PARD3B: variants seen among roughly 807,000 people sequenced by gnomAD.
PARD3B encodes the protein partitioning defective 3 homolog B.
A neutral mutation model predicts 130.2 loss-of-function variants in PARD3B; 103 were observed. That is an observed-to-expected ratio of 0.79 (90% CI 0.67 to 0.93). PARD3B has a LOEUF of 0.93. Ranked by LOEUF, PARD3B falls within the 40% of genes least tolerant of loss-of-function variation. The probability of loss-of-function intolerance (pLI) is 0.00; values close to 1 mark genes in which losing one functional copy is unlikely to be tolerated. For synonymous variants in PARD3B, 583 were observed against 553.2 expected, an observed-to-expected ratio of 1.05 and a Z score of -0.76; for missense variants, 1,609 against 1,499.2, an observed-to-expected ratio of 1.07 and a Z score of -1.21.
Position 205,288,990 on chromosome 2 carries a change from G to A in PARD3B, c.2186-11540G>A, listed in dbSNP as rs1206106933. Among the ~76,000 whole-genome samples the A allele has an allele frequency of 2.6e-5, 4 of 152,194 alleles. No homozygotes were observed. Among genetic ancestry groups the A allele is most frequent in the African/African-American group, 7.2e-5 (3 of 41,438 alleles). Reference sequence around the variant, plus strand: ...AAAAGTCCATGACCTTGTCTGATTTGTAATTTTGTTGATGGTGTCATGGGT... The same window carrying A: ...AAAAGTCCATGACCTTGTCTGATTTATAATTTTGTTGATGGTGTCATGGGT... On this transcript the variant is annotated intron_variant, in intron 16 of 22. Transcript: ENST00000406610. The surrounding 1 kb of genome is among the most constrained non-coding windows in gnomAD (Gnocchi z 4.0).
intron 1 of PARD3B, among the ~76,000 whole-genome samples, chr2:204,548,223 T>G (rs529047349): frequency 1.2e-4 from 18 of 152,268 alleles, no homozygotes; most frequent in African/African-American, 4.3e-4. Context: ...TTTTTTTAAA[T>G]GAGAAAAGGC....
Position 205,024,230 on chromosome 2 carries a change from C to T in PARD3B, c.395-23351C>T, listed in dbSNP as rs534846285. On this transcript the variant is annotated intron_variant, in intron 3 of 22. Transcript: ENST00000406610. ...TCGCCCAGGCTGGAGTGCAGTGGCG[C>T]GTTCTTGGCTCTCTGCAACCTCTGC... 6.4e-5 allele frequency among the ~76,000 whole-genome samples: 9 copies of T among 140,942 alleles called. No homozygotes were observed. In the South Asian group the frequency reaches 6.8e-4, roughly 11 times the overall value. The allele number at this position is 140,942 out of a possible 152,430, so 92.5% of individuals were successfully genotyped here.
intron 1 of PARD3B, among the ~76,000 whole-genome samples, chr2:204,564,640 G>A (rs556742881): frequency 6.7e-4 from 102 of 152,228 alleles, no homozygotes; most frequent in Middle Eastern, 3.4e-3. Flanking sequence ...AAAAAAAAAT[G>A]TGGTGAGAAC....
At chr2:204,603,887 C>T (rs533479808) in intron 1 of PARD3B, among the ~76,000 whole-genome samples, 37 of 152,286 alleles carry the variant, frequency 2.4e-4, no homozygotes, top group African/African-American at 5.1e-4. Flanking sequence ...AGGATAATCC[C>T]GCCTGGGCAC....
chr2:205,189,669 C>T (rs974781460), intron 14 of PARD3B, among the ~76,000 whole-genome samples: 7 of 152,248 alleles, frequency 4.6e-5, no homozygotes, highest in South Asian at 4.2e-4. Flanking sequence ...AGTTACAAAC[C>T]GTTTTACTAG....
chr2:205,581,765 TAA>T (rs1559239090), intron 22 of PARD3B, among the ~76,000 whole-genome samples: 1 of 152,028 alleles, frequency 6.6e-6, no homozygotes, highest in African/African-American at 2.4e-5. Flanking sequence ...TCAAAATTTT[TAA>T]AAAGATACCT....
Position 205,448,327 on chromosome 2 carries a change from C to A in PARD3B, c.3044+7655C>A, listed in dbSNP as rs748657897. Among the ~76,000 whole-genome samples, 67 of 152,118 alleles carry A rather than the reference C, an allele frequency of 4.4e-4. 1 individual carries two copies. Among genetic ancestry groups the A allele is most frequent in the Non-Finnish European group, 1.6e-4 (11 of 68,024 alleles). On this transcript the variant is annotated intron_variant, in intron 20 of 22. Coordinates refer to ENST00000406610, the MANE Select transcript of PARD3B (RefSeq NM_001302769.2). ...ACTCTGGGTATCCTTTGATTTTAAT[C>A]CTTTACACTTATTAATGTGGCCTAA... is the stretch of plus-strand genomic sequence containing the variant.
intron 21 of PARD3B, among the ~76,000 whole-genome samples, chr2:205,541,499 C>A (rs1247250671): frequency 6.6e-6 from 1 of 152,080 alleles, no homozygotes; most frequent in Non-Finnish European, 1.5e-5. Flanking sequence ...CAAGCATGTA[C>A]CACCACGCCC....
At chr2:204,856,611 A>G (rs2044949773) in intron 2 of PARD3B, among the ~76,000 whole-genome samples, 1 of 152,074 alleles carries the variant, frequency 6.6e-6, no homozygotes. Context: ...CCAATAAATC[A>G]TTTCCCAGAC....
intron 18 of PARD3B, among the ~76,000 whole-genome samples, chr2:205,316,350 G>C (rs2042563277): frequency 6.6e-6 from 1 of 152,052 alleles, no homozygotes. Flanking sequence ...GGGAAGAAAT[G>C]AGGTTAGATA....
intron 2 of PARD3B, among the ~76,000 whole-genome samples, chr2:204,803,154 A>AT (rs2042634650): frequency 6.0e-5 from 8 of 134,440 alleles, no homozygotes; most frequent in African/African-American, 2.3e-4. Flanking sequence ...GAAAAAAAAA[A>AT]AAAAAAAAAA....
chr2:204,848,747 T>C (rs1459619091), intron 2 of PARD3B, among the ~76,000 whole-genome samples: 22 of 151,804 alleles, frequency 1.4e-4, no homozygotes, highest in Non-Finnish European at 1.5e-5. Flanking sequence ...GTCTGTATTC[T>C]TAAACTAAAA....
At chr2:204,964,075 C>T (rs964390278) in intron 2 of PARD3B, among the ~76,000 whole-genome samples, 3 of 152,192 alleles carry the variant, frequency 2.0e-5, no homozygotes, top group Admixed American at 6.5e-5. Context: ...CTCTGAGTGT[C>T]TTTCCTGAAT....
intron 21 of PARD3B, among the ~76,000 whole-genome samples, chr2:205,509,372 A>AT (rs1277519651): frequency 3.3e-5 from 5 of 151,930 alleles, no homozygotes; most frequent in Non-Finnish European, 5.9e-5. Flanking sequence ...TTCTGGACAC[A>AT]TTTTTTTGGG....
At chr2:204,841,945 T>C (rs1261206633) in intron 2 of PARD3B, among the ~76,000 whole-genome samples, 1 of 152,056 alleles carries the variant, frequency 6.6e-6, no homozygotes, top group Non-Finnish European at 1.5e-5. Flanking sequence ...TGAAATTGAA[T>C]AGCAAACTCA....
In PARD3B at chr2:204,773,714, T is replaced by A. The variant is rs767399054; in HGVS notation, c.222+87432T>A. Among the ~76,000 whole-genome samples, 3 of 152,146 alleles carry A rather than the reference T, an allele frequency of 2.0e-5. No individual in the cohort carries two copies. The East Asian group carries it at 5.8e-4, about 29-fold the overall frequency. On this transcript the variant is annotated intron_variant, in intron 2 of 22. Coordinates refer to ENST00000406610, the MANE Select transcript of PARD3B (RefSeq NM_001302769.2). ...TAATCTCTACTATTGCCTTGGACAG[T>A]AATTGAAGCCAACATTATCGTTTTG...
chr2:205,111,970 C>G (rs546630986), intron 5 of PARD3B, among the ~76,000 whole-genome samples: 18 of 152,130 alleles, frequency 1.2e-4, no homozygotes, highest in Admixed American at 3.3e-4. Context: ...GAAAGCCATA[C>G]AACTTTCTCT....
In PARD3B at chr2:205,142,668, A is replaced by G. The variant is rs570089842; in HGVS notation, c.1435-16054A>G. On this transcript the variant is annotated intron_variant, in intron 10 of 22. Coordinates refer to ENST00000406610, the MANE Select transcript of PARD3B (RefSeq NM_001302769.2). This position sits in a 1 kb window ranked among gnomAD's most constrained non-coding sequence, Gnocchi z 4.3. ...GCCGAGGTGGGCGGATCAAGAGGTC[A>G]GGAGTTTGAGACCAACCTGGTCAAC... 1.3e-5 allele frequency among the ~76,000 whole-genome samples: 2 copies of G among 152,232 alleles called. No individual in the cohort carries two copies. Among genetic ancestry groups the G allele is most frequent in the Non-Finnish European group, 2.9e-5 (2 of 68,020 alleles).
rs1491092689 is a variant in PARD3B, at chr2:205,057,607, GTA to G, written c.504+9919_504+9920del. The stretch of plus-strand genomic sequence containing the variant: ...TGTATACGTATATATACATATATGT[GTA>G]TGTGTATGTGTATACGTATATATAT... On this transcript the variant is annotated intron_variant, in intron 4 of 22. Coordinates refer to ENST00000406610, the MANE Select transcript of PARD3B (RefSeq NM_001302769.2). 2.2e-4 allele frequency among the ~76,000 whole-genome samples: 15 copies of G among 68,470 alleles called. 1 individual carries two copies. Among genetic ancestry groups the G allele is most frequent in the African/African-American group, 8.7e-4 (15 of 17,152 alleles). The allele number at this position is 68,470 out of a possible 152,430, so 44.9% of individuals were successfully genotyped here.
Sources: allele counts gnomAD v4.1 joint callset (sites outside exome capture counted in the v4.1 genomes callset), GRCh38; gene constraint gnomAD v4.1.1; non-coding constraint Gnocchi (gnomAD v3.1); transcripts MANE v1.5; gene names NCBI Gene and HGNC (gene_info 2026-07-23, HGNC 2026-07-21).